The following ABCA7 variants were observed in gnomAD, a reference collection of about 807,000 sequenced individuals.
The protein encoded by ABCA7 is phospholipid-transporting ATPase ABCA7.
In ABCA7, 261 loss-of-function variants were observed where a neutral mutation model predicts 227.6. The ratio of observed to expected loss-of-function variants is 1.15; its 90% CI spans 1.04 to 1.27. The LOEUF (loss-of-function observed/expected upper bound fraction) is 1.27. Ranked by LOEUF, ABCA7 falls within the 50% of genes most tolerant of loss-of-function variation. ABCA7 has a pLI of 0.00. For missense variants in ABCA7, 3,331 were observed against 2,924.5 expected (o/e 1.14, Z -3.21); for synonymous variants, 1,488 against 1,279.7 (o/e 1.16, Z -3.47).
intron 45 of ABCA7, 133 bp from the exon 46 acceptor site, chr19:1,064,798 G>A: frequency 1.5e-6 from 2 of 1,374,388 alleles, no homozygotes; most frequent in South Asian, 3.1e-5. Context: ...GGGGGACTGA[G>A]ACGGGAGGAC....
intron 30 of ABCA7, 38 bp from the exon 31 acceptor site, chr19:1,055,869 T>A: frequency 6.5e-7 from 1 of 1,541,988 alleles, no homozygotes; most frequent in Non-Finnish European, 8.8e-7. Context: ...CTGTCCCACA[T>A]CCCTGTCTGC....
Position 1,050,911 on chromosome 19 carries a change from C to A in ABCA7, c.2553-10C>A. The A allele has an allele frequency of 6.3e-7, 1 of 1,587,696 alleles. No homozygotes were observed. Among genetic ancestry groups the A allele is most frequent in the Non-Finnish European group, 8.6e-7 (1 of 1,164,108 alleles). ...TGAAGGGGGCTACTCTGAGACCCCT[C>A]TATCCACAGGTCCATCTTGAGTGGC... On this transcript the variant is annotated splice_polypyrimidine_tract_variant and intron_variant, in intron 18 of 46. Coordinates refer to ENST00000263094, the MANE Select transcript of ABCA7 (RefSeq NM_019112.4).
intron 40 of ABCA7, among the ~76,000 whole-genome samples, chr19:1,060,622 C>T (rs1335143729): frequency 1.3e-5 from 2 of 151,542 alleles, no homozygotes; most frequent in Admixed American, 6.6e-5. Flanking sequence ...CAGGTTCAGG[C>T]GATTCTCCTG....
chr19:1,058,204 G>A lies in ABCA7; in HGVS notation c.5084G>A (p.Cys1695Tyr). ...GTCTTCCTTATCTTCCCCCACTTCT[G>A]CTTGGGCCGGGGGCTCATTGACATG... is the stretch of plus-strand genomic sequence containing the variant. ...KQVFLIFPHF[C>Y]LGRGLIDMVR... The change falls in exon 37 of 47, where the codon TGC becomes TAC. Residue 1695 changes from cysteine (C) to tyrosine (Y), a missense_variant. By Grantham distance (194) the Cys-to-Tyr change is radical (BLOSUM62 -2). Transcript: ENST00000263094. 1.2e-6 allele frequency: 2 copies of A among 1,613,590 alleles called. No homozygotes were observed. Among genetic ancestry groups the A allele is most frequent in the East Asian group, 4.5e-5 (2 of 44,826 alleles).
chr19:1,041,706 C>G, intron 3 of ABCA7, 103 bp downstream of exon 3: 1 of 1,573,148 alleles, frequency 6.4e-7, no homozygotes, highest in Non-Finnish European at 8.6e-7. Flanking sequence ...CTTCACCAGG[C>G]CGCCAATACA....
intron 40 of ABCA7, among the ~76,000 whole-genome samples, chr19:1,059,466 C>G (rs191896048): frequency 6.6e-6 from 1 of 150,678 alleles, no homozygotes; most frequent in Non-Finnish European, 1.5e-5. Flanking sequence ...GGGGTTTCAC[C>G]GTGTTAGCCA....
In ABCA7 at chr19:1,054,007, T is replaced by C; in HGVS notation, c.3474T>C (p.Asp1158=). 1.2e-6 allele frequency: 2 copies of C among 1,613,086 alleles called. No homozygotes were observed. Among genetic ancestry groups the C allele is most frequent in the Non-Finnish European group, 8.5e-7 (1 of 1,179,788 alleles). ...CCCTGACCCCTGATGGCCCTGCAGA[T>C]GGCAGCTGCGGGCAGCACCTATGCA... ...EECAADTDME[D]GSCGQHLCTG... The change falls in exon 26 of 47, where the codon GAT becomes GAC. Residue 1158 remains aspartate (D), a splice_region_variant and synonymous_variant. Coordinates refer to ENST00000263094, the MANE Select transcript of ABCA7 (RefSeq NM_019112.4). This position sits in a 1 kb window ranked among gnomAD's most constrained non-coding sequence, Gnocchi z 4.8.
In ABCA7 at chr19:1,057,376, A is replaced by G; in HGVS notation, c.4827A>G (p.Ala1609=). Residue 1609 remains alanine, a synonymous_variant, in exon 35 of 47, where the codon GCA becomes GCG. Transcript: ENST00000263094. ...VLIFLAFQQR[A]YVAPANLPAL... ...TCTTTCTGGCCTTCCAGCAGAGGGC[A>G]TATGTGGCCCCTGCCAACCTGCCTG... 1 of 1,613,912 alleles carries G rather than the reference A, an allele frequency of 6.2e-7. No homozygotes were observed. The highest frequency in any genetic ancestry group is 8.5e-7 in the Non-Finnish European group (1 of 1,180,014).
Position 1,063,639 on chromosome 19 carries a change from G to T in ABCA7, c.5808G>T (p.Thr1936=), listed in dbSNP as rs1568427141. ...GAGGGAACAAACGCAAGCTGGCGAC[G>T]GCCCTGGCGCTGGTTGGGGACCCAG... The part of the protein sequence containing the change: ...YSGGNKRKLA[T]ALALVGDPAV... Residue 1936 remains threonine, a synonymous_variant, in exon 43 of 47, where the codon ACG becomes ACT. Transcript: ENST00000263094. 3 of 1,610,658 alleles carry T rather than the reference G, an allele frequency of 1.9e-6. No homozygotes were observed. The East Asian group carries it at 6.7e-5, about 36-fold the overall frequency.
In ABCA7 at chr19:1,058,034, T is replaced by G; in HGVS notation, c.5000T>G (p.Phe1667Cys). 2 of 1,614,146 alleles carry G rather than the reference T, an allele frequency of 1.2e-6. No homozygotes were observed. The highest frequency in any genetic ancestry group is 1.7e-6 in the Non-Finnish European group (2 of 1,180,034). Residue 1667 changes from phenylalanine to cysteine, a missense_variant, in exon 36 of 47, where the codon TTT becomes TGT. By Grantham distance (205) the Phe-to-Cys change is radical. Transcript: ENST00000263094. ...FIGINGSMAT[F>C]VLELFSDQKL... ...GGCATCAATGGAAGCATGGCCACCTTTGTGCTTGAGCTCTTCTCTGATCAG... is the reference window on the plus strand; with the variant it reads ...GGCATCAATGGAAGCATGGCCACCTGTGTGCTTGAGCTCTTCTCTGATCAG...
Position 1,051,539 on chromosome 19 carries a change from C to A in ABCA7, c.2915C>A (p.Pro972His). 6.2e-7 allele frequency: 1 copy of A among 1,612,660 alleles called. No individual in the cohort carries two copies. Among genetic ancestry groups the A allele is most frequent in the Non-Finnish European group, 8.5e-7 (1 of 1,179,914 alleles). ...ILDEPTAGVD[P>H]ASRRGIWELL... ...GACGAGCCTACGGCTGGCGTGGATC[C>A]TGCTTCCCGCCGCGGTATTTGGGAG... The change falls in exon 21 of 47, where the codon CCT becomes CAT. Residue 972 changes from proline (P) to histidine (H), a missense_variant. Pro to His is a moderately conservative substitution (Grantham distance 77, BLOSUM62 -2). Transcript: ENST00000263094.
At chr19:1,061,695 G>A in intron 40 of ABCA7, 87 bp from the exon 41 acceptor site, 2 of 1,136,516 alleles carry the variant, frequency 1.8e-6, no homozygotes, top group Non-Finnish European at 2.4e-6. Context: ...GCAAAACTTG[G>A]TCTCAAAAAA....
chr19:1,060,058 A>G (rs561670963), intron 40 of ABCA7, among the ~76,000 whole-genome samples: 91 of 152,258 alleles, frequency 6.0e-4, no homozygotes, highest in Non-Finnish European at 7.8e-4. Flanking sequence ...GCCAGCATTT[A>G]TCAGGCACCT....
chr19:1,056,198 C>A lies in ABCA7; in HGVS notation c.4371C>A (p.Asn1457Lys). Reference sequence around the variant, plus strand: ...GGGCCCTCGACCGTGTCCTGAAAAACCTCACAGCCTGGGCTCACAGCCTGG... The same window carrying A: ...GGGCCCTCGACCGTGTCCTGAAAAAACTCACAGCCTGGGCTCACAGCCTGG... ...PGGALDRVLK[N>K]LTAWAHSLDA... The change falls in exon 32 of 47, where the codon AAC (asparagine) becomes AAA (lysine). Residue 1457 changes from asparagine to lysine, a missense_variant. Transcript: ENST00000263094. This position sits in a 1 kb window ranked among gnomAD's most constrained non-coding sequence, Gnocchi z 4.3. 6.2e-7 allele frequency: 1 copy of A among 1,604,988 alleles called. No individual in the cohort carries two copies. The highest frequency in any genetic ancestry group is 1.1e-5 in the South Asian group (1 of 90,500).
Position 1,050,946 on chromosome 19 carries a change from C to T in ABCA7, c.2578C>T (p.Pro860Ser), listed in dbSNP as rs747448125. ...TLSILSGLFP[P>S]SGGSAFILGH... ...GTCCATCTTGAGTGGCCTCTTCCCACCCAGTGGTGGCTCTGCCTTCATCCT... is the reference window on the plus strand; with the variant it reads ...GTCCATCTTGAGTGGCCTCTTCCCATCCAGTGGTGGCTCTGCCTTCATCCT... The change falls in exon 19 of 47, where the codon CCC becomes TCC. Residue 860 changes from proline (P) to serine (S), a missense_variant. Transcript: ENST00000263094. 27 of 1,610,734 alleles carry T rather than the reference C, an allele frequency of 1.7e-5. 1 individual carries two copies. In the East Asian group the frequency reaches 5.3e-4, roughly 32 times the overall value.
At chr19:1,057,523 A>G (rs963133103) in intron 35 of ABCA7, 94 bp downstream of exon 35, 11 of 1,257,282 alleles carry the variant, frequency 8.7e-6, no homozygotes, top group Middle Eastern at 1.8e-4. Flanking sequence ...GTGACTCCCA[A>G]GGAGAGGATA....
intron 1 of ABCA7, among the ~76,000 whole-genome samples, chr19:1,040,627 C>A (rs1469190362): frequency 6.6e-6 from 1 of 152,148 alleles, no homozygotes; most frequent in Non-Finnish European, 1.5e-5. Context: ...GTGGACCGGC[C>A]CAAGGAAAAT....
At position 1,061,894 on chromosome 19, in the gene ABCA7, G is replaced by A; in HGVS notation, c.5570+6G>A. 1 of 1,582,406 alleles carries A rather than the reference G, an allele frequency of 6.3e-7. No homozygotes were observed. Among genetic ancestry groups the A allele is most frequent in the Non-Finnish European group, 8.6e-7 (1 of 1,166,820 alleles). ...GCTGTGCTGGCAGGCCACAGGTGAG[G>A]GGTGCCAGGTAGGGTCAGGGTGGGG... On this transcript the variant is annotated splice_donor_region_variant and intron_variant, in intron 41 of 46. Coordinates refer to ENST00000263094, the MANE Select transcript of ABCA7 (RefSeq NM_019112.4).
At chr19:1,050,193 C>A (rs1057368445) in intron 18 of ABCA7, among the ~76,000 whole-genome samples, 2 of 150,280 alleles carry the variant, frequency 1.3e-5, no homozygotes, top group Admixed American at 1.3e-4. Flanking sequence ...GGAGGATTGC[C>A]TGAGGTCAGA....
Sources: allele counts gnomAD v4.1 joint callset (sites outside exome capture counted in the v4.1 genomes callset), GRCh38; gene constraint gnomAD v4.1.1; non-coding constraint Gnocchi (gnomAD v3.1); transcripts MANE v1.5; gene names NCBI Gene and HGNC (gene_info 2026-07-23, HGNC 2026-07-21).